PDE4A: variants seen among roughly 807,000 people sequenced by gnomAD.
The protein encoded by PDE4A is 3',5'-cyclic-AMP phosphodiesterase 4A.
A neutral mutation model predicts 73.9 loss-of-function variants in PDE4A; 21 were observed. The observed-to-expected ratio is 0.28, with a 90% confidence interval of 0.20 to 0.41. The LOEUF (loss-of-function observed/expected upper bound fraction) is 0.41. Among genes scored for constraint, PDE4A ranks in the 10% least tolerant of loss-of-function variants. The probability of loss-of-function intolerance (pLI) is 1.00; values close to 1 mark genes in which losing one functional copy is unlikely to be tolerated. For missense variants in PDE4A, 958 were observed against 1,211.4 expected (o/e 0.79, Z 3.10); for synonymous variants, 463 against 505.4 (o/e 0.92, Z 1.13).
chr19:10,420,590 G>T lies in PDE4A; in HGVS notation c.-175G>T. 7.8e-7 allele frequency: 1 copy of T among 1,277,592 alleles called. No individual in the cohort carries two copies. The highest frequency in any genetic ancestry group is 9.8e-7 in the Non-Finnish European group (1 of 1,016,016). 79.1% of individuals were successfully genotyped at this position (1,277,592 alleles called of 1,614,324 possible). A position where few individuals can be genotyped will look rare whatever the true frequency, so the allele number is the denominator to read the frequency against. On this transcript the variant is annotated 5_prime_UTR_variant, in exon 1 of 15. Transcript: ENST00000380702. This position sits in a 1 kb window ranked among gnomAD's most constrained non-coding sequence, Gnocchi z 6.0. ...CCAGGCGCCGAAAGGAAGCTGCAGA[G>T]CCCGGCCCGGGGGCGATTGGCCCGC...
chr19:10,455,634 A>AAAAC (rs899818759), intron 7 of PDE4A, among the ~76,000 whole-genome samples: 45 of 152,000 alleles, frequency 3.0e-4, no homozygotes, highest in Admixed American at 9.2e-4. Flanking sequence ...ACTCCGTCTC[A>AAAAC]AAACAAACAA....
rs925320727 is a variant in PDE4A at position 10,469,345 on chromosome 19, CTG to C, written c.*1726_*1727del. Reference sequence around the variant, plus strand: ...CTCTGTTCCTGCTGTATTATACAAACTGTACCATAGTCCTGGGAAAAGGGTGG... The same window carrying C: ...CTCTGTTCCTGCTGTATTATACAAACTACCATAGTCCTGGGAAAAGGGTGG... On this transcript the variant is annotated 3_prime_UTR_variant, in exon 15 of 15. Coordinates refer to ENST00000380702, the MANE Select transcript of PDE4A (RefSeq NM_001111307.2). 3 of 152,276 alleles carry C rather than the reference CTG, an allele frequency of 2.0e-5. No individual in the cohort carries two copies. The highest frequency in any genetic ancestry group is 4.8e-5 in the African/African-American group (2 of 41,414). 9.4% of individuals were successfully genotyped at this position (152,276 alleles called of 1,614,324 possible). A position where few individuals can be genotyped will look rare whatever the true frequency, so the allele number is the denominator to read the frequency against.
At chr19:10,433,076 G>A (rs2042816177) in intron 1 of PDE4A, among the ~76,000 whole-genome samples, 1 of 152,158 alleles carries the variant, frequency 6.6e-6, no homozygotes, top group South Asian at 2.1e-4. Context: ...ACTGAGCTGG[G>A]GCTGTGAGTG....
rs528664831 is a variant in PDE4A, at chr19:10,442,618, C to T, written c.321-3600C>T. On this transcript the variant is annotated intron_variant, in intron 1 of 14. Transcript: ENST00000380702. ...ATCCCAGCACTGTGGGAGGCCAAAGCGGGAGGATCTCTTGAGCCCAGGAGT... is the reference window on the plus strand; with the variant it reads ...ATCCCAGCACTGTGGGAGGCCAAAGTGGGAGGATCTCTTGAGCCCAGGAGT... 1.3e-4 allele frequency among the ~76,000 whole-genome samples: 20 copies of T among 152,042 alleles called. No homozygotes were observed. The South Asian group carries it at 2.5e-3, about 19-fold the overall frequency.
At position 10,461,974 on chromosome 19, in the gene PDE4A, T is replaced by A. The variant is rs1466582510; in HGVS notation, c.1718T>A (p.Leu573Gln). ...GTGACCAGCTCAGGGGTCCTCCTGC[T>A]AGATAACTACTCCGACCGCATCCAG... is the stretch of plus-strand genomic sequence containing the variant. ...KKVTSSGVLL[L>Q]DNYSDRIQVL... Residue 573 changes from leucine to glutamine, a missense_variant, in exon 13 of 15, where the codon CTA (leucine) becomes CAA (glutamine). Physicochemically the swap from Leu to Gln is moderately radical, Grantham distance 113 (BLOSUM62 -2). This residue lies in a region of PDE4A where 570 missense variants were observed against 827.7 expected (regional missense o/e 0.69). Transcript: ENST00000380702. 6.2e-7 allele frequency: 1 copy of A among 1,613,926 alleles called. No individual in the cohort carries two copies. The highest frequency in any genetic ancestry group is 2.2e-5 in the East Asian group (1 of 44,874).
intron 11 of PDE4A, 102 bp from the exon 12 acceptor site, chr19:10,461,424 G>A (rs1226719370): frequency 6.5e-7 from 1 of 1,546,740 alleles, no homozygotes; most frequent in Non-Finnish European, 8.7e-7. Flanking sequence ...AGGCGAGGCT[G>A]GCCGGGCTGG....
chr19:10,434,803 C>T (rs559827899), intron 1 of PDE4A, among the ~76,000 whole-genome samples: 1 of 150,978 alleles, frequency 6.6e-6, no homozygotes, highest in South Asian at 2.1e-4. Flanking sequence ...GTTGGCCAGG[C>T]TGGTCTCGAA....
upstream of PDE4A, chr19:10,416,954 TCG>T: frequency 6.5e-7 from 1 of 1,543,120 alleles, no homozygotes; most frequent in Non-Finnish European, 8.7e-7. Flanking sequence ...TGAAGAGGAG[TCG>T]CAGTGCCCTG....
Position 10,463,932 on chromosome 19 carries a change from GC to G in PDE4A, c.1887del (p.Met630CysfsTer82). 6.2e-7 allele frequency: 1 copy of G among 1,614,070 alleles called. No homozygotes were observed. The highest frequency in any genetic ancestry group is 8.5e-7 in the Non-Finnish European group (1 of 1,180,000). Reference sequence around the variant, plus strand: ...GAGCGCGAGCGTGGCATGGAAATCAGCCCCATGTGTGACAAGCACACTGCCT... The same window carrying G: ...GAGCGCGAGCGTGGCATGGAAATCAGCCCATGTGTGACAAGCACACTGCCT... ...DRERERGMEI[S>X]PMCDKHTASV... On this transcript the variant is annotated frameshift_variant, in exon 14 of 15. Coordinates refer to ENST00000380702, the MANE Select transcript of PDE4A (RefSeq NM_001111307.2). LOFTEE classifies it low-confidence loss of function (END_TRUNC).
intron 1 of PDE4A, among the ~76,000 whole-genome samples, chr19:10,442,312 C>G (rs2042949026): frequency 6.6e-6 from 1 of 152,020 alleles, no homozygotes; most frequent in African/African-American, 2.4e-5. Flanking sequence ...TCACTTGAGG[C>G]CAGGTGTTTG....
upstream of PDE4A, among the ~76,000 whole-genome samples, chr19:10,419,801 C>T (rs1306285436): frequency 6.6e-6 from 1 of 152,222 alleles, no homozygotes; most frequent in Non-Finnish European, 1.5e-5. Flanking sequence ...CTTGAGAACA[C>T]ATTCACAGTC....
chr19:10,454,761 A>C, intron 6 of PDE4A, 68 bp from the exon 7 acceptor site: 13 of 1,605,596 alleles, frequency 8.1e-6, no homozygotes, highest in Non-Finnish European at 1.1e-5. Flanking sequence ...GTTCTTGGGA[A>C]GGACTGACAC....
intron 1 of PDE4A, among the ~76,000 whole-genome samples, chr19:10,427,294 C>T (rs1045918495): frequency 2.0e-5 from 3 of 152,070 alleles, no homozygotes; most frequent in African/African-American, 4.8e-5. Context: ...AGCAAGACTC[C>T]GTCTAACAAA....
chr19:10,418,050 CCT>C (rs1209229237), upstream of PDE4A, among the ~76,000 whole-genome samples: 1 of 152,146 alleles, frequency 6.6e-6, no homozygotes. Context: ...TCTAGGAACC[CCT>C]TATTTCATTT....
chr19:10,453,385 T>C lies in PDE4A; in HGVS notation c.784-1444T>C. On this transcript the variant is annotated intron_variant, in intron 6 of 14. Transcript: ENST00000380702. The surrounding 1 kb of genome is among the most constrained non-coding windows in gnomAD (Gnocchi z 4.6). Reference sequence around the variant, plus strand: ...GCATCCTGGTGAGCTGGGCCCCCGGTGTGGGCTTGTGTGTGCAGCTGTGCA... The same window carrying C: ...GCATCCTGGTGAGCTGGGCCCCCGGCGTGGGCTTGTGTGTGCAGCTGTGCA... 2 of 1,566,652 alleles carry C rather than the reference T, an allele frequency of 1.3e-6. No individual in the cohort carries two copies. Among genetic ancestry groups the C allele is most frequent in the Non-Finnish European group, 1.7e-6 (2 of 1,157,788 alleles).
intron 1 of PDE4A, chr19:10,423,146 A>C (rs927994185): frequency 3.1e-6 from 3 of 979,600 alleles, no homozygotes; most frequent in East Asian, 2.3e-4. Flanking sequence ...CCCAGAGACA[A>C]AACCCTTTCT....
chr19:10,423,491 A>G (rs1384714600), intron 1 of PDE4A, among the ~76,000 whole-genome samples: 1 of 152,026 alleles, frequency 6.6e-6, no homozygotes, highest in East Asian at 1.9e-4. Flanking sequence ...CCAAACTCAC[A>G]CAACCAGGAG....
At chr19:10,442,586 G>C (rs1402713384) in intron 1 of PDE4A, among the ~76,000 whole-genome samples, 3 of 151,850 alleles carry the variant, frequency 2.0e-5, no homozygotes, top group Non-Finnish European at 4.4e-5. Context: ...AGCGTTTCAT[G>C]TCTGTAATCC....
chr19:10,444,800 G>C (rs1452089639), intron 1 of PDE4A, among the ~76,000 whole-genome samples: 2 of 151,704 alleles, frequency 1.3e-5, no homozygotes, highest in Non-Finnish European at 2.9e-5. Flanking sequence ...AGCCTCCCAA[G>C]TAGCTGGGAT....
Sources: gnomAD v4.1 joint callset for allele counts (sites outside exome capture counted in the v4.1 genomes callset) on GRCh38, gnomAD v4.1.1 for gene constraint, gnomAD v4.1.1 regional missense constraint, Gnocchi (gnomAD v3.1) non-coding constraint, MANE v1.5 for transcripts, NCBI Gene and HGNC (gene_info 2026-07-23, HGNC 2026-07-21) for gene names.